TBXAS1: variants seen among roughly 807,000 people sequenced by gnomAD.
TBXAS1 encodes thromboxane-A synthase.
A neutral mutation model predicts 60.7 loss-of-function variants in TBXAS1; 48 were observed. That is an observed-to-expected ratio of 0.79 (90% CI 0.63 to 1.01). The LOEUF (loss-of-function observed/expected upper bound fraction) is 1.01. Among genes scored for constraint, TBXAS1 ranks in the 50% least tolerant of loss-of-function variants. TBXAS1 has a pLI of 0.00. For synonymous variants in TBXAS1, 287 were observed against 269.7 expected (o/e 1.06, Z -0.63); for missense variants, 685 against 686.3 (o/e 1.00, Z 0.02).
chr7:139,825,094 G>T (rs1365517576), upstream of TBXAS1, among the ~76,000 whole-genome samples: 2 of 151,696 alleles, frequency 1.3e-5, no homozygotes, highest in Admixed American at 1.3e-4. Flanking sequence ...CTCCCAAAAT[G>T]CTGCGATTAC....
intron 4 of TBXAS1, among the ~76,000 whole-genome samples, chr7:139,812,593 A>C (rs776085934): frequency 1.3e-4 from 20 of 152,228 alleles, no homozygotes; most frequent in Non-Finnish European, 2.6e-4. Context: ...GACCAGTATC[A>C]AAATGAGTTG....
chr7:140,017,538 A>G (rs1157878884), intron 11 of TBXAS1, 133 bp from the exon 12 acceptor site: 3 of 1,204,868 alleles, frequency 2.5e-6, no homozygotes, highest in African/African-American at 1.5e-5. Context: ...AGGCTCAGGA[A>G]TGAGCAGCCA....
At chr7:139,877,448 A>G (rs1032643082) in intron 3 of TBXAS1, among the ~76,000 whole-genome samples, 1 of 152,110 alleles carries the variant, frequency 6.6e-6, no homozygotes, top group Non-Finnish European at 1.5e-5. Flanking sequence ...TTTGCAATAG[A>G]GTCTTGCTCT....
chr7:139,792,154 T>C (rs1797406703), intron 4 of TBXAS1, among the ~76,000 whole-genome samples: 1 of 152,238 alleles, frequency 6.6e-6, no homozygotes, highest in Non-Finnish European at 1.5e-5. Flanking sequence ...TGAATATTCC[T>C]GTCCTAAAAG....
At chr7:139,989,234 C>A (rs1213652133) in intron 9 of TBXAS1, among the ~76,000 whole-genome samples, 1 of 152,148 alleles carries the variant, frequency 6.6e-6, no homozygotes, top group Non-Finnish European at 1.5e-5. Flanking sequence ...TGAGCGACTG[C>A]TCTTTGAGAA....
At chr7:139,853,622 T>C (rs567643313) in intron 1 of TBXAS1, among the ~76,000 whole-genome samples, 1 of 152,224 alleles carries the variant, frequency 6.6e-6, no homozygotes, top group South Asian at 2.1e-4. Flanking sequence ...TTACGCAGGA[T>C]CCAGAGGCAG....
intron 9 of TBXAS1, chr7:139,962,668 C>G: frequency 4.2e-6 from 1 of 237,048 alleles, no homozygotes; most frequent in Non-Finnish European, 8.4e-6. Context: ...CAAGCTGAAG[C>G]TGGACTGAAG....
At chr7:139,939,202 T>C (rs1569516216) in intron 5 of TBXAS1, among the ~76,000 whole-genome samples, 1 of 151,900 alleles carries the variant, frequency 6.6e-6, no homozygotes, top group Non-Finnish European at 1.5e-5. Flanking sequence ...CTGTCTCTAC[T>C]AAGAATACAA....
In TBXAS1 at chr7:139,894,830, T is replaced by C. The variant is rs367543300; in HGVS notation, c.237-16395T>C. On this transcript the variant is annotated intron_variant, in intron 3 of 12. Coordinates refer to ENST00000448866, the MANE Select transcript of TBXAS1 (RefSeq NM_001061.7). ...GTTGTCCACTCAACAGACATTTCAG[T>C]CTTTGCTACGTGTACAGCATGGAGC... Among the ~76,000 whole-genome samples the C allele has an allele frequency of 1.3e-4, 20 of 152,276 alleles. No individual in the cohort carries two copies. In the East Asian group the frequency reaches 3.5e-3, roughly 26 times the overall value.
intron 5 of TBXAS1, chr7:139,952,559 T>C (rs1395454482): frequency 6.5e-7 from 1 of 1,536,892 alleles, no homozygotes; most frequent in East Asian, 2.4e-5. Context: ...AGCTTGGCCT[T>C]TTAATCATGC....
chr7:139,963,522 G>A (rs527753985), intron 9 of TBXAS1, among the ~76,000 whole-genome samples: 2 of 152,244 alleles, frequency 1.3e-5, no homozygotes, highest in African/African-American at 4.8e-5. Context: ...ATCTCAACAA[G>A]CCATGAATCC....
intron 5 of TBXAS1, among the ~76,000 whole-genome samples, chr7:139,950,961 G>A (rs773083352): frequency 6.6e-6 from 1 of 152,054 alleles, no homozygotes; most frequent in Admixed American, 6.5e-5. Context: ...CCCAGAGCAC[G>A]TAGGACTGAC....
intron 4 of TBXAS1, among the ~76,000 whole-genome samples, chr7:139,792,558 AAC>A (rs1797420473): frequency 6.6e-6 from 1 of 152,244 alleles, no homozygotes; most frequent in African/African-American, 2.4e-5. Flanking sequence ...ACAGACATAG[AAC>A]ACAGTGATGG....
chr7:140,016,715 C>A (rs1049416414), intron 11 of TBXAS1: 5 of 156,306 alleles, frequency 3.2e-5, no homozygotes, highest in African/African-American at 9.6e-5. Flanking sequence ...TCTGAGCAGG[C>A]GGCCCACACT....
intron 7 of TBXAS1, among the ~76,000 whole-genome samples, chr7:139,956,618 C>G (rs1337697231): frequency 6.6e-6 from 1 of 152,218 alleles, no homozygotes. Context: ...GTTTCATTCC[C>G]GTTTCTGAGC....
At chr7:139,870,633 G>A (rs764928482) in intron 1 of TBXAS1, among the ~76,000 whole-genome samples, 18 of 152,328 alleles carry the variant, frequency 1.2e-4, no homozygotes, top group Non-Finnish European at 2.4e-4. Flanking sequence ...GCTCTTGAGT[G>A]TGGTTTGTAA....
In TBXAS1 at chr7:139,778,802, G is replaced by T. The variant is rs184001319; in HGVS notation, c.-318+331G>T. On this transcript the variant is annotated intron_variant, in intron 1 of 16. Transcript: ENST00000336425. This position sits in a 1 kb window ranked among gnomAD's most constrained non-coding sequence, Gnocchi z 4.8. ...CTAAACACTCTCCAGACTCTCCCCAGCCGGGAGCCTCTCCAGGTTTGCTTC... is the reference window on the plus strand; with the variant it reads ...CTAAACACTCTCCAGACTCTCCCCATCCGGGAGCCTCTCCAGGTTTGCTTC... Among the ~76,000 whole-genome samples, 1 of 152,244 alleles carries T rather than the reference G, an allele frequency of 6.6e-6. No individual in the cohort carries two copies. The highest frequency in any genetic ancestry group is 1.9e-4 in the East Asian group (1 of 5,166).
At chr7:139,982,701 T>C (rs756984257) in intron 9 of TBXAS1, among the ~76,000 whole-genome samples, 11 of 152,158 alleles carry the variant, frequency 7.2e-5, no homozygotes, top group Non-Finnish European at 1.5e-4. Flanking sequence ...ACCCCCTAAA[T>C]TGAATTCATG....
chr7:139,799,144 C>G (rs1797649275), intron 4 of TBXAS1, among the ~76,000 whole-genome samples: 2 of 148,404 alleles, frequency 1.3e-5, no homozygotes, highest in African/African-American at 5.0e-5. Flanking sequence ...TCCCTGGTCA[C>G]TGCAGCTTCC....
Sources: gnomAD v4.1 joint callset for allele counts (sites outside exome capture counted in the v4.1 genomes callset) on GRCh38, gnomAD v4.1.1 for gene constraint, Gnocchi (gnomAD v3.1) non-coding constraint, MANE v1.5 for transcripts, NCBI Gene and HGNC (gene_info 2026-07-23, HGNC 2026-07-21) for gene names.